The following RARB variants were observed in gnomAD, a reference collection of about 807,000 sequenced individuals.
RARB encodes the protein HBV-activated protein.
RARB carries 17 observed loss-of-function variants against 51.9 expected under a neutral mutation model. That is an observed-to-expected ratio of 0.33 (90% CI 0.22 to 0.49). The LOEUF (loss-of-function observed/expected upper bound fraction) is 0.49. Ranked by LOEUF, RARB falls within the 20% of genes least tolerant of loss-of-function variation. The pLI is 0.99. For missense variants in RARB, 369 were observed against 550.8 expected, an observed-to-expected ratio of 0.67 and a Z score of 3.30; for synonymous variants, 215 against 195.4, an observed-to-expected ratio of 1.10 and a Z score of -0.84.
intron 4 of RARB, among the ~76,000 whole-genome samples, chr3:25,146,503 G>GTTTT (rs1364462708): frequency 0.012 from 900 of 73,430 alleles, 18 homozygotes; most frequent in East Asian, 0.039. Context: ...TTTTTTGTTT[G>GTTTT]TTTGTTTGTT....
intron 2 of RARB, among the ~76,000 whole-genome samples, chr3:25,488,441 T>G (rs939883364): frequency 2.6e-5 from 4 of 152,348 alleles, no homozygotes; most frequent in East Asian, 1.9e-4. Context: ...CTAAGTTATC[T>G]CTTTTGTCCT....
chr3:24,872,330 AC>A (rs1702962930), intron 2 of RARB, among the ~76,000 whole-genome samples: 1 of 152,096 alleles, frequency 6.6e-6, no homozygotes, highest in East Asian at 1.9e-4. Flanking sequence ...GAATGTTCTT[AC>A]CTAATCCACT....
At chr3:25,172,454 G>A (rs975861885) in intron 4 of RARB, among the ~76,000 whole-genome samples, 4 of 152,254 alleles carry the variant, frequency 2.6e-5, no homozygotes, top group South Asian at 2.1e-4. Context: ...CTTATAGTGA[G>A]GTGCCTCACA....
At chr3:25,517,625 C>T (rs1698226304) in intron 3 of RARB, among the ~76,000 whole-genome samples, 1 of 152,228 alleles carries the variant, frequency 6.6e-6, no homozygotes, top group South Asian at 2.1e-4. Context: ...TTATGGGACC[C>T]ATTCATTTTA....
intron 2 of RARB, among the ~76,000 whole-genome samples, chr3:25,475,028 A>T (rs1402144712): frequency 6.6e-6 from 1 of 152,194 alleles, no homozygotes; most frequent in Non-Finnish European, 1.5e-5. Flanking sequence ...AATGGGTCTT[A>T]CTGTCCTCAC....
At chr3:25,285,475 A>G (rs1257930269) in intron 5 of RARB, among the ~76,000 whole-genome samples, 1 of 152,200 alleles carries the variant, frequency 6.6e-6, no homozygotes, top group Non-Finnish European at 1.5e-5. Flanking sequence ...GTTGGTAGTG[A>G]CATGATCACT....
At chr3:25,428,261 G>A, upstream of RARB, 1 of 1,233,212 alleles carries the variant, frequency 8.1e-7, no homozygotes, top group Non-Finnish European at 1.0e-6. Context: ...CTTTCATTCT[G>A]TGTGACAGAA....
chr3:25,493,315 G>C (rs932874095), intron 2 of RARB, among the ~76,000 whole-genome samples: 3 of 152,054 alleles, frequency 2.0e-5, no homozygotes, highest in Non-Finnish European at 4.4e-5. Context: ...ACGTTGTCAC[G>C]CATAGACTTC....
At chr3:24,956,064 G>A (rs1696008202) in intron 2 of RARB, among the ~76,000 whole-genome samples, 1 of 152,142 alleles carries the variant, frequency 6.6e-6, no homozygotes, top group Non-Finnish European at 1.5e-5. Context: ...TCTGAATTGA[G>A]GGGTTGGGTT....
At chr3:24,985,148 C>T (rs966883118) in intron 2 of RARB, among the ~76,000 whole-genome samples, 2 of 152,160 alleles carry the variant, frequency 1.3e-5, no homozygotes, top group Non-Finnish European at 2.9e-5. Flanking sequence ...CTTTTCAAAA[C>T]ATTAGCAGTA....
chr3:25,260,859 C>T (rs140321895), intron 5 of RARB, among the ~76,000 whole-genome samples: 8 of 152,182 alleles, frequency 5.3e-5, no homozygotes, highest in African/African-American at 1.7e-4. Flanking sequence ...GGTGGCAGAA[C>T]GTACTCATTG....
intron 3 of RARB, among the ~76,000 whole-genome samples, chr3:25,083,168 C>T (rs1284441660): frequency 6.6e-6 from 1 of 151,182 alleles, no homozygotes; most frequent in Non-Finnish European, 1.5e-5. Flanking sequence ...TCATTCAGAT[C>T]CTTGAATTTA....
intron 5 of RARB, among the ~76,000 whole-genome samples, chr3:25,392,290 A>G (rs1575366627): frequency 6.6e-6 from 1 of 152,138 alleles, no homozygotes; most frequent in East Asian, 1.9e-4. Context: ...TGATGACCAT[A>G]GCCTTATAGT....
intron 3 of RARB, among the ~76,000 whole-genome samples, chr3:25,106,221 C>T (rs6763490): frequency 0.44 from 47,012 of 107,402 alleles, 8,087 homozygotes; most frequent in Non-Finnish European, 0.51. Flanking sequence ...ACAGAACTTA[C>T]AGTTGTGGTG....
At chr3:25,362,546 G>C (rs770393870) in intron 5 of RARB, among the ~76,000 whole-genome samples, 2 of 152,182 alleles carry the variant, frequency 1.3e-5, no homozygotes, top group Admixed American at 6.5e-5. Flanking sequence ...CAGCTAGCTC[G>C]GTGACTGCCC....
chr3:24,879,639 A>T (rs993828469), intron 2 of RARB, among the ~76,000 whole-genome samples: 3 of 152,118 alleles, frequency 2.0e-5, no homozygotes, highest in African/African-American at 7.2e-5. Flanking sequence ...CTTGGAAAAC[A>T]TAGACAGAAC....
At chr3:25,505,683 G>A (rs749563505) in intron 3 of RARB, among the ~76,000 whole-genome samples, 1 of 151,950 alleles carries the variant, frequency 6.6e-6, no homozygotes, top group African/African-American at 2.4e-5. Context: ...AAAAAAACTC[G>A]ATTTTTAGCA....
intron 5 of RARB, among the ~76,000 whole-genome samples, chr3:25,215,877 G>A (rs1253324843): frequency 6.6e-6 from 1 of 152,178 alleles, no homozygotes; most frequent in African/African-American, 2.4e-5. Context: ...GTATTTTGAT[G>A]TCAGACTCTA....
At chr3:25,099,908 G>A (rs144538186) in intron 3 of RARB, among the ~76,000 whole-genome samples, 75 of 152,252 alleles carry the variant, frequency 4.9e-4, no homozygotes, top group African/African-American at 1.4e-3. Context: ...GTGACTGTTC[G>A]TAAATGCTTT....
Sources: allele counts gnomAD v4.1 joint callset (sites outside exome capture counted in the v4.1 genomes callset), GRCh38; gene constraint gnomAD v4.1.1; transcripts MANE v1.5; gene names NCBI Gene and HGNC (gene_info 2026-07-23, HGNC 2026-07-21).